The following GPHN variants were observed in gnomAD, a reference collection of about 807,000 sequenced individuals.
GPHN encodes the protein gephyrin.
A neutral mutation model predicts 95.5 loss-of-function variants in GPHN; 17 were observed. The observed-to-expected ratio is 0.18, with a 90% CI of 0.12 to 0.27. The LOEUF is 0.27. Among genes scored for constraint, GPHN ranks in the 10% least tolerant of loss-of-function variants. GPHN has a pLI of 1.00. For missense variants in GPHN, 660 were observed against 978.1 expected, an observed-to-expected ratio of 0.67 and a Z score of 4.34; for synonymous variants, 320 against 322.5, an observed-to-expected ratio of 0.99 and a Z score of 0.08.
intron 2 of GPHN, among the ~76,000 whole-genome samples, chr14:66,762,327 A>G (rs1298993962): frequency 2.0e-5 from 3 of 152,156 alleles, no homozygotes; most frequent in African/African-American, 7.2e-5. Flanking sequence ...TTTGTAAACT[A>G]CTTTCTCTTT....
intron 10 of GPHN, among the ~76,000 whole-genome samples, chr14:67,035,570 AGAT>A (rs1309288598): frequency 1.3e-5 from 2 of 151,894 alleles, no homozygotes; most frequent in Non-Finnish European, 1.5e-5. Context: ...TCGGAAATAG[AGAT>A]GATAAGAGAC....
At chr14:67,278,098 G>A in the GPHN span, among the ~76,000 whole-genome samples, 1 of 149,742 alleles carries the variant, frequency 6.7e-6, no homozygotes, top group South Asian at 2.1e-4. Context: ...GTGCAGTGGT[G>A]TGATCTCAGC....
intron 5 of GPHN, among the ~76,000 whole-genome samples, chr14:66,909,555 G>A (rs1035309397): frequency 2.6e-5 from 4 of 151,936 alleles, no homozygotes; most frequent in Non-Finnish European, 5.9e-5. Context: ...CAGATTAAGG[G>A]AGAAAAGTCA....
chr14:67,427,514 C>T, the GPHN span, among the ~76,000 whole-genome samples: 1 of 152,150 alleles, frequency 6.6e-6, no homozygotes, highest in African/African-American at 2.4e-5. Flanking sequence ...AACACCCTGC[C>T]GCGAACACAC....
the GPHN span, among the ~76,000 whole-genome samples, chr14:67,722,905 T>C: frequency 6.6e-6 from 1 of 151,584 alleles, no homozygotes; most frequent in African/African-American, 2.4e-5. Context: ...CGGGCAGAGG[T>C]GGGGCTGAGT....
chr14:67,383,485 T>C, the GPHN span: 1 of 1,607,068 alleles, frequency 6.2e-7, no homozygotes, highest in Admixed American at 1.7e-5. Context: ...AGAGCAGCGC[T>C]TCCTGGCTGT....
the GPHN span, among the ~76,000 whole-genome samples, chr14:67,358,734 T>C: frequency 6.6e-6 from 1 of 152,020 alleles, no homozygotes; most frequent in African/African-American, 2.4e-5. Context: ...ATAAACAGGA[T>C]GAGGAGGAGA....
chr14:66,941,876 TA>T (rs1369894765), intron 8 of GPHN, among the ~76,000 whole-genome samples: 1 of 152,174 alleles, frequency 6.6e-6, no homozygotes, highest in Non-Finnish European at 1.5e-5. Context: ...ACTTGATTAT[TA>T]AGGGCTGTAA....
At chr14:67,179,292 A>G (rs1393860323) in intron 21 of GPHN, among the ~76,000 whole-genome samples, 9 of 152,170 alleles carry the variant, frequency 5.9e-5, no homozygotes, top group Non-Finnish European at 1.3e-4. Context: ...AGGCCAAGGC[A>G]GGAGGATCAC....
At chr14:66,862,068 TA>T (rs138527482) in intron 4 of GPHN, among the ~76,000 whole-genome samples, 1,539 of 152,000 alleles carry the variant, frequency 0.01, 29 homozygotes, top group African/African-American at 0.035. Flanking sequence ...TTTGGAAAGT[TA>T]AGCAAGATTG....
chr14:67,343,238 C>G, the GPHN span: 1 of 612,188 alleles, frequency 1.6e-6, no homozygotes, highest in Non-Finnish European at 2.8e-6. Flanking sequence ...ACACACTTCT[C>G]TCTTTGCACT....
At chr14:66,989,286 G>GAC (rs2071240562) in intron 9 of GPHN, among the ~76,000 whole-genome samples, 1 of 151,600 alleles carries the variant, frequency 6.6e-6, no homozygotes, top group Non-Finnish European at 1.5e-5. Context: ...AATCAGTCTG[G>GAC]ACATACCTAA....
At chr14:66,970,409 A>G (rs1482249615) in intron 9 of GPHN, among the ~76,000 whole-genome samples, 1 of 152,190 alleles carries the variant, frequency 6.6e-6, no homozygotes, top group African/African-American at 2.4e-5. Flanking sequence ...TAAAAATGGC[A>G]CTGCTGATTC....
At chr14:67,389,033 CA>C in the GPHN span, among the ~76,000 whole-genome samples, 10 of 151,738 alleles carry the variant, frequency 6.6e-5, no homozygotes, top group South Asian at 1.3e-3. Flanking sequence ...CATCGTTACA[CA>C]AATCTAGTAT....
At chr14:67,689,630 T>A in the GPHN span, among the ~76,000 whole-genome samples, 2 of 152,200 alleles carry the variant, frequency 1.3e-5, no homozygotes, top group Admixed American at 1.3e-4. Flanking sequence ...CCCATTTACA[T>A]ATGAAGAAGG....
At chr14:66,842,582 T>C in intron 4 of GPHN, 1 of 814,794 alleles carries the variant, frequency 1.2e-6, no homozygotes, top group Non-Finnish European at 2.0e-6. Flanking sequence ...GGCTGGTTCT[T>C]ATTTCCCTGA....
intron 16 of GPHN, among the ~76,000 whole-genome samples, chr14:67,113,855 T>C (rs1951004586): frequency 6.6e-6 from 1 of 152,166 alleles, no homozygotes; most frequent in Admixed American, 6.5e-5. Flanking sequence ...CAAGGTCAAA[T>C]GGAGAATACT....
chr14:67,122,397 C>G lies in GPHN; in HGVS notation c.1748+20C>G. The G allele has an allele frequency of 6.2e-7, 1 of 1,608,918 alleles. No individual in the cohort carries two copies. The highest frequency in any genetic ancestry group is 1.1e-5 in the South Asian group (1 of 90,922). On this transcript the variant is annotated intron_variant, in intron 17 of 22. Transcript: ENST00000478722. ...AGACAAGTAAGTATTTGATGTCATTCTGAAAAGTTTGTATTGTACAAATAC... is the reference window on the plus strand; with the variant it reads ...AGACAAGTAAGTATTTGATGTCATTGTGAAAAGTTTGTATTGTACAAATAC...
the GPHN span, among the ~76,000 whole-genome samples, chr14:67,619,566 G>C: frequency 6.6e-6 from 1 of 152,408 alleles, no homozygotes; most frequent in African/African-American, 2.4e-5. Flanking sequence ...TCAGCCGGGC[G>C]TGAAGATTGG....
Sources: allele counts gnomAD v4.1 joint callset (sites outside exome capture counted in the v4.1 genomes callset), GRCh38; gene constraint gnomAD v4.1.1; transcripts MANE v1.5; gene names NCBI Gene and HGNC (gene_info 2026-07-23, HGNC 2026-07-21).